SORCS1: variants seen among roughly 807,000 people sequenced by gnomAD.
SORCS1 encodes the protein VPS10 domain-containing receptor SorCS1.
SORCS1 carries 60 observed loss-of-function variants against 146.1 expected under a neutral mutation model. That is an observed-to-expected ratio of 0.41 (90% confidence interval 0.33 to 0.51). The LOEUF (loss-of-function observed/expected upper bound fraction) is 0.51. Ranked by LOEUF, SORCS1 falls within the 20% of genes least tolerant of loss-of-function variation. SORCS1 has a pLI of 0.21. For missense variants in SORCS1, 1,352 were observed against 1,487.6 expected (o/e 0.91, Z 1.50); for synonymous variants, 637 against 584.0 (o/e 1.09, Z -1.31).
chr10:106,649,874 G>C (rs566375467), intron 18 of SORCS1, among the ~76,000 whole-genome samples: 151 of 151,916 alleles, frequency 9.9e-4, no homozygotes, highest in African/African-American at 3.3e-3. Context: ...ATTCATATGG[G>C]TTCAATTTCC....
intron 1 of SORCS1, among the ~76,000 whole-genome samples, chr10:107,072,420 C>T (rs930355959): frequency 2.6e-5 from 4 of 152,252 alleles, no homozygotes; most frequent in Admixed American, 6.5e-5. Context: ...TGCCTTGGAA[C>T]GGCTAATAAC....
At chr10:106,831,911 G>GT (rs1948562932) in intron 2 of SORCS1, among the ~76,000 whole-genome samples, 1 of 152,142 alleles carries the variant, frequency 6.6e-6, no homozygotes, top group Non-Finnish European at 1.5e-5. Context: ...TGTTACCTTT[G>GT]TAACAAAAAT....
At chr10:106,632,711 A>G (rs1848506555) in intron 18 of SORCS1, among the ~76,000 whole-genome samples, 1 of 152,214 alleles carries the variant, frequency 6.6e-6, no homozygotes, top group East Asian at 1.9e-4. Flanking sequence ...AGTGAAACAC[A>G]TGCACTTTAA....
At chr10:107,105,042 A>C (rs1965208875) in intron 1 of SORCS1, among the ~76,000 whole-genome samples, 1 of 152,232 alleles carries the variant, frequency 6.6e-6, no homozygotes, top group Admixed American at 6.5e-5. Context: ...TATATTTGAA[A>C]AGTGCACGAA....
intron 1 of SORCS1, among the ~76,000 whole-genome samples, chr10:107,152,695 G>GT (rs1968924018): frequency 6.6e-6 from 1 of 152,160 alleles, no homozygotes; most frequent in Admixed American, 6.5e-5. Flanking sequence ...TGCCATGATT[G>GT]TAAGTTTCTG....
chr10:106,933,366 T>C (rs1290570735), intron 2 of SORCS1, among the ~76,000 whole-genome samples: 1 of 152,208 alleles, frequency 6.6e-6, no homozygotes, highest in Admixed American at 6.5e-5. Flanking sequence ...TATTTTAAAA[T>C]GTCCCCCAGA....
chr10:106,592,057 A>T (rs1206750098), intron 24 of SORCS1, among the ~76,000 whole-genome samples: 1 of 152,188 alleles, frequency 6.6e-6, no homozygotes, highest in Non-Finnish European at 1.5e-5. Context: ...GCCATCAGGT[A>T]CTAAAAGTCA....
chr10:107,058,386 G>A (rs1229358719), intron 1 of SORCS1, among the ~76,000 whole-genome samples: 1 of 152,122 alleles, frequency 6.6e-6, no homozygotes, highest in Non-Finnish European at 1.5e-5. Flanking sequence ...GGGATTTCTG[G>A]TTAATACACA....
chr10:107,100,513 CA>C (rs60616581), intron 1 of SORCS1, among the ~76,000 whole-genome samples: 1,620 of 139,264 alleles, frequency 0.012, 97 homozygotes, highest in Admixed American at 0.1. Context: ...GACTCCGCCT[CA>C]AAAAAAAAAA....
intron 1 of SORCS1, among the ~76,000 whole-genome samples, chr10:107,041,404 TAAAA>T (rs5787703): frequency 7.0e-6 from 1 of 142,152 alleles, no homozygotes. Flanking sequence ...TAAAGGGGAT[TAAAA>T]AAAAAAAAAA....
intron 1 of SORCS1, among the ~76,000 whole-genome samples, chr10:107,014,461 CAA>C (rs1461799471): frequency 6.6e-6 from 1 of 152,044 alleles, no homozygotes; most frequent in Non-Finnish European, 1.5e-5. Context: ...CAAAAGTTTG[CAA>C]AGTTTTCTAT....
rs1346321782 is a variant in SORCS1 at position 107,158,024 on chromosome 10, G to A, written c.558+5945C>T. 2.6e-5 allele frequency among the ~76,000 whole-genome samples: 4 copies of A among 152,232 alleles called. No homozygotes were observed. In the East Asian group the frequency reaches 7.7e-4, roughly 29 times the overall value. On this transcript the variant is annotated intron_variant, in intron 1 of 25. Coordinates refer to ENST00000263054, the MANE Select transcript of SORCS1 (RefSeq NM_052918.5). ...TACATTTAGTGGCTGAATATAAGCTGGCAAGGAGAAAAATTAATTTATCCT... is the reference window on the plus strand; with the variant it reads ...TACATTTAGTGGCTGAATATAAGCTAGCAAGGAGAAAAATTAATTTATCCT...
chr10:107,039,485 C>G (rs1310639873), intron 1 of SORCS1, among the ~76,000 whole-genome samples: 3 of 152,134 alleles, frequency 2.0e-5, no homozygotes, highest in Non-Finnish European at 4.4e-5. Context: ...TTAGCATGAG[C>G]CAAAGTCACT....
intron 5 of SORCS1, among the ~76,000 whole-genome samples, chr10:106,744,601 T>C (rs1857588438): frequency 6.6e-6 from 1 of 152,216 alleles, no homozygotes; most frequent in Non-Finnish European, 1.5e-5. Context: ...CTTATGACTA[T>C]ACCATATTTT....
intron 2 of SORCS1, among the ~76,000 whole-genome samples, chr10:106,927,467 G>T (rs931795066): frequency 1.3e-5 from 2 of 152,148 alleles, no homozygotes; most frequent in African/African-American, 4.8e-5. Context: ...CCCAAAGAGT[G>T]AGCAGCAGCA....
At chr10:106,926,828 T>C (rs11193111) in intron 2 of SORCS1, among the ~76,000 whole-genome samples, 4,268 of 29,508 alleles carry the variant, frequency 0.14, 74 homozygotes, top group Non-Finnish European at 0.39. Flanking sequence ...GGAATATATA[T>C]ACACACACAC....
chr10:106,758,499 G>A (rs1858830526), intron 5 of SORCS1, among the ~76,000 whole-genome samples: 1 of 152,170 alleles, frequency 6.6e-6, no homozygotes, highest in African/African-American at 2.4e-5. Flanking sequence ...TGTCCCTCAT[G>A]CTTTTTCATT....
At chr10:107,019,049 G>T (rs1958018093) in intron 1 of SORCS1, among the ~76,000 whole-genome samples, 1 of 152,122 alleles carries the variant, frequency 6.6e-6, no homozygotes, top group South Asian at 2.1e-4. Context: ...TCTGTGAAGA[G>T]GATCCCAGCT....
At chr10:107,053,952 T>C (rs1221414237) in intron 1 of SORCS1, among the ~76,000 whole-genome samples, 1 of 152,168 alleles carries the variant, frequency 6.6e-6, no homozygotes, top group Non-Finnish European at 1.5e-5. Flanking sequence ...TGAACCTTTA[T>C]TGCACACTTT....
Sources: gnomAD v4.1 joint callset for allele counts (sites outside exome capture counted in the v4.1 genomes callset) on GRCh38, gnomAD v4.1.1 for gene constraint, MANE v1.5 for transcripts, NCBI Gene and HGNC (gene_info 2026-07-23, HGNC 2026-07-21) for gene names.